The following ASPM variants were observed in gnomAD, a reference collection of about 807,000 sequenced individuals.
ASPM encodes assembly factor for spindle microtubules, also known as abnormal spindle-like microcephaly-associated protein.
Under a neutral mutation model 366.4 loss-of-function variants are expected in ASPM, and 256 were observed. That is an observed-to-expected ratio of 0.70 (90% CI 0.63 to 0.77). ASPM has a LOEUF of 0.77. ASPM is among the 30% of genes least tolerant of loss of function. ASPM has a pLI of 0.00. For synonymous variants in ASPM, 1,414 were observed against 1,342.9 expected, an observed-to-expected ratio of 1.05 and a Z score of -1.16; for missense variants, 4,146 against 4,090.4, an observed-to-expected ratio of 1.01 and a Z score of -0.37.
chr1:197,141,004 T>C (rs1467901138), intron 3 of ASPM, among the ~76,000 whole-genome samples: 1 of 152,140 alleles, frequency 6.6e-6, no homozygotes, highest in Admixed American at 6.5e-5. Flanking sequence ...AATAACCTAT[T>C]GGAATAGCAG....
intron 18 of ASPM, among the ~76,000 whole-genome samples, chr1:197,100,116 C>T (rs558844080): frequency 1.3e-4 from 20 of 151,638 alleles, no homozygotes; most frequent in Admixed American, 1.3e-3. Flanking sequence ...TTATATTTTC[C>T]ACTTAAAGAA....
Position 197,090,091 on chromosome 1 carries a change from G to GA in ASPM, c.9830-8dup, listed in dbSNP as rs748383126. The GA allele has an allele frequency of 5.0e-3, 6,585 of 1,323,002 alleles. 1 individual carries two copies. Among genetic ancestry groups the GA allele is most frequent in the African/African-American group, 7.5e-3 (491 of 65,490 alleles). 82.0% of individuals were successfully genotyped at this position (1,323,002 alleles called of 1,614,324 possible). On this transcript the variant is annotated splice_polypyrimidine_tract_variant and splice_region_variant and intron_variant, in intron 24 of 27. Transcript: ENST00000367409. ...GACAATCTAGTAACTACCTCTGAAAGAAAAAAAAAACACACACACACAGGT... is the reference window on the plus strand; with the variant it reads ...GACAATCTAGTAACTACCTCTGAAAGAAAAAAAAAAACACACACACACAGGT...
At chr1:197,090,709 G>T in intron 23 of ASPM, 141 bp downstream of exon 23, 1 of 752,344 alleles carries the variant, frequency 1.3e-6, no homozygotes, top group Non-Finnish European at 2.2e-6. Context: ...ATGAAATTAT[G>T]GTAGTATAGT....
rs746502185 is a variant in ASPM, at chr1:197,104,497, GTCT to G, written c.4751_4753del (p.Lys1584del). 6.8e-6 allele frequency: 11 copies of G among 1,612,450 alleles called. No individual in the cohort carries two copies. The African/African-American group carries it at 8.0e-5, about 12-fold the overall frequency. On this transcript the variant is annotated inframe_deletion, in exon 18 of 28. Coordinates refer to ENST00000367409, the MANE Select transcript of ASPM (RefSeq NM_018136.5). The stretch of plus-strand genomic sequence containing the variant: ...TACATGTGCCTGAAATTTGATAATA[GTCT>G]TCTTAAGGTTTAAAAATCGAACTCT...
intron 17 of ASPM, among the ~76,000 whole-genome samples, chr1:197,106,275 T>A (rs1657406596): frequency 6.6e-6 from 1 of 152,206 alleles, no homozygotes; most frequent in South Asian, 2.1e-4. Flanking sequence ...AGGAAATGAT[T>A]GTATACATTT....
chr1:197,091,886 T>A lies in ASPM; in HGVS notation c.9444+21A>T, dbSNP rs774959854. 4 of 1,606,056 alleles carry A rather than the reference T, an allele frequency of 2.5e-6. No homozygotes were observed. In the South Asian group the frequency reaches 4.4e-5, roughly 18 times the overall value. On this transcript the variant is annotated intron_variant, in intron 22 of 27. Coordinates refer to ENST00000367409, the MANE Select transcript of ASPM (RefSeq NM_018136.5). ...ACAGAAAAATTATATCATATAGTTT[T>A]ACTGCAAAGAAGAAGCAAACCTGAA...
At position 197,102,045 on chromosome 1, in the gene ASPM, T is replaced by C. The variant is rs749944950; in HGVS notation, c.7206A>G (p.Arg2402=). The C allele has an allele frequency of 1.3e-5, 21 of 1,612,962 alleles. No homozygotes were observed. The highest frequency in any genetic ancestry group is 1.7e-5 in the Non-Finnish European group (20 of 1,179,308). ...CAGAGGAATGCATACTCTTCAAATG[T>C]CTTCTAGTTTTCATACCCCTGAATG... ...QAAFRGMKTR[R]HLKSMHSSAT... Residue 2402 remains arginine, a synonymous_variant, in exon 18 of 28, where the codon AGA becomes AGG. Transcript: ENST00000367409.
intron 19 of ASPM, 102 bp downstream of exon 19, chr1:197,095,896 A>C (rs750812874): frequency 6.0e-4 from 656 of 1,091,322 alleles, no homozygotes; most frequent in Non-Finnish European, 7.7e-4. Flanking sequence ...TAAGCATAAC[A>C]AATATTTAAA....
intron 7 of ASPM, 86 bp downstream of exon 7, chr1:197,132,199 A>G (rs965457157): frequency 9.2e-7 from 1 of 1,088,134 alleles, no homozygotes; most frequent in Non-Finnish European, 1.3e-6. Flanking sequence ...TTTATAAGTA[A>G]AACTACATTG....
chr1:197,100,063 C>A lies in ASPM; in HGVS notation c.8820+368G>T, dbSNP rs375273686. 4.0e-5 allele frequency among the ~76,000 whole-genome samples: 6 copies of A among 151,698 alleles called. No individual in the cohort carries two copies. In the East Asian group the frequency reaches 1.2e-3, roughly 29 times the overall value. On this transcript the variant is annotated intron_variant, in intron 18 of 27. Coordinates refer to ENST00000367409, the MANE Select transcript of ASPM (RefSeq NM_018136.5). ...ATAGATTATTAGAGGAACAAAGTTA[C>A]TCTATTTTGCCTATATTATGCCAAA...
intron 17 of ASPM, among the ~76,000 whole-genome samples, chr1:197,114,740 GTTATT>G (rs1056731799): frequency 2.6e-5 from 4 of 151,336 alleles, no homozygotes; most frequent in African/African-American, 9.7e-5. Flanking sequence ...CACTTGGCTA[GTTATT>G]TTATTTATTT....
chr1:197,146,142 T>G lies in ASPM; in HGVS notation c.296A>C (p.Gln99Pro). ...FSVSQRCFVL[Q>P]PKEKIVISVN... Reference sequence around the variant, plus strand: ...GAGCACGCTCCTCCTGAGACCTACCTGCAACACGAAACAGCGCTGCGACAC... The same window carrying G: ...GAGCACGCTCCTCCTGAGACCTACCGGCAACACGAAACAGCGCTGCGACAC... The change falls in exon 1 of 28, where the codon CAG becomes CCG. Residue 99 changes from glutamine to proline, a missense_variant and splice_region_variant. Gln to Pro is a moderately conservative substitution (Grantham distance 76). Around this residue, in one of 3 missense-constraint regions of ASPM, gnomAD observed 512 missense variants for 471.7 expected, o/e 1.09. Transcript: ENST00000367409. The G allele has an allele frequency of 6.2e-7, 1 of 1,613,990 alleles. No individual in the cohort carries two copies. The highest frequency in any genetic ancestry group is 8.5e-7 in the Non-Finnish European group (1 of 1,179,970).
intron 17 of ASPM, among the ~76,000 whole-genome samples, chr1:197,112,354 A>T (rs1174086157): frequency 6.6e-6 from 1 of 152,024 alleles, no homozygotes; most frequent in East Asian, 1.9e-4. Context: ...AGTGGGGCCT[A>T]TTGGAGAGTG....
rs750694608 is a variant in ASPM, at chr1:197,143,076, G to T, written c.1176C>A (p.Ser392=). ...LESESVNPIL[S]PNQFLKDNMA... ...TGTTATCTTTTAAAAATTGATTAGGGGATAAAATAGGATTAACTGACTCTG... is the reference window on the plus strand; with the variant it reads ...TGTTATCTTTTAAAAATTGATTAGGTGATAAAATAGGATTAACTGACTCTG... The change falls in exon 3 of 28, where the codon TCC becomes TCA. Residue 392 remains serine (S), a synonymous_variant. Transcript: ENST00000367409. 1 of 1,612,522 alleles carries T rather than the reference G, an allele frequency of 6.2e-7. No individual in the cohort carries two copies. Among genetic ancestry groups the T allele is most frequent in the South Asian group, 1.1e-5 (1 of 91,024 alleles).
chr1:197,146,000 T>C (rs567445078), intron 1 of ASPM, 141 bp downstream of exon 1: 10 of 1,065,998 alleles, frequency 9.4e-6, no homozygotes, highest in East Asian at 5.0e-5. Flanking sequence ...CCCACAGTTA[T>C]TGAGTGAAAG....
At chr1:197,115,611 C>T (rs1270433507) in intron 17 of ASPM, among the ~76,000 whole-genome samples, 3 of 152,242 alleles carry the variant, frequency 2.0e-5, no homozygotes, top group Middle Eastern at 6.8e-3. Flanking sequence ...TAATTTTTAT[C>T]CATGGACTAC....
rs752011786 is a variant in ASPM at position 197,103,550 on chromosome 1, C to T, written c.5701G>A (p.Ala1901Thr). 3.5e-5 allele frequency: 57 copies of T among 1,612,988 alleles called. No homozygotes were observed. The highest frequency in any genetic ancestry group is 4.4e-5 in the Non-Finnish European group (52 of 1,179,516). Reference sequence around the variant, plus strand: ...CTAAAAGCAGACTGAATCTTCAAGGCAGCTTGATGTTCCCTTCTAATCTGT... The same window carrying T: ...CTAAAAGCAGACTGAATCTTCAAGGTAGCTTGATGTTCCCTTCTAATCTGT... ...RKQIRREHQAALKIQSAFRMA... is the reference protein window; with the variant it reads ...RKQIRREHQATLKIQSAFRMA... Residue 1901 changes from alanine to threonine, a missense_variant, in exon 18 of 28, where the codon GCC becomes ACC. By Grantham distance (58) the Ala-to-Thr change is moderately conservative. Coordinates refer to ENST00000367409, the MANE Select transcript of ASPM (RefSeq NM_018136.5).
In ASPM at chr1:197,100,917, G is replaced by A. The variant is rs1291650408; in HGVS notation, c.8334C>T (p.Tyr2778=). ...CAGCTTCATACTGAGTTTTACTTCT[G>A]TAACAGCAGAGTGCAGATTGGTTAA... ...AIVNQSALCC[Y]RSKTQYEAVQ... Residue 2778 remains tyrosine, a synonymous_variant, in exon 18 of 28, where the codon TAC becomes TAT. Transcript: ENST00000367409. 6.2e-7 allele frequency: 1 copy of A among 1,612,666 alleles called. No homozygotes were observed. Among genetic ancestry groups the A allele is most frequent in the Non-Finnish European group, 8.5e-7 (1 of 1,179,152 alleles).
At chr1:197,137,370 G>T (rs1242871044) in intron 4 of ASPM, among the ~76,000 whole-genome samples, 1 of 152,182 alleles carries the variant, frequency 6.6e-6, no homozygotes. Context: ...AAAGATTCTG[G>T]TTCTTGTAGT....
Sources: allele counts gnomAD v4.1 joint callset (sites outside exome capture counted in the v4.1 genomes callset), GRCh38; gene constraint gnomAD v4.1.1; regional missense constraint gnomAD v4.1.1; transcripts MANE v1.5; gene names NCBI Gene and HGNC (gene_info 2026-07-23, HGNC 2026-07-21).